RLF: variants seen among roughly 807,000 people sequenced by gnomAD.
The protein encoded by RLF is zinc finger protein Rlf.
A neutral mutation model predicts 162.9 loss-of-function variants in RLF; 7 were observed. The observed-to-expected ratio is 0.04, with a 90% CI of 0.02 to 0.08. The LOEUF is 0.08. Among genes scored for constraint, RLF ranks in the 10% least tolerant of loss-of-function variants. RLF has a pLI of 1.00. For synonymous variants in RLF, 782 were observed against 791.5 expected, an observed-to-expected ratio of 0.99 and a Z score of 0.20; for missense variants, 1,664 against 2,244.7, an observed-to-expected ratio of 0.74 and a Z score of 5.23.
chr1:40,218,093 T>C (rs1642948757), intron 5 of RLF, among the ~76,000 whole-genome samples: 1 of 152,222 alleles, frequency 6.6e-6, no homozygotes, highest in Non-Finnish European at 1.5e-5. Context: ...AGGTTTCAAG[T>C]GATTTCTTTT....
At chr1:40,177,573 G>A (rs1348852010) in intron 1 of RLF, among the ~76,000 whole-genome samples, 1 of 151,986 alleles carries the variant, frequency 6.6e-6, no homozygotes, top group Non-Finnish European at 1.5e-5. Flanking sequence ...GATTACAGGC[G>A]TGAGCCACTG....
chr1:40,240,217 A>G lies in RLF; in HGVS notation c.5515A>G (p.Asn1839Asp). Reference protein sequence around the residue: ...HSSSDSTIHENLTAIPPLIVA... With the variant: ...HSSSDSTIHEDLTAIPPLIVA... ...TTCCAGTGACTCTACAATTCATGAG[A>G]ACCTGACTGCAATCCCACCTTTAAT... Residue 1839 changes from asparagine to aspartate, a missense_variant, in exon 8 of 8, where the codon AAC (asparagine) becomes GAC (aspartate). Around this residue, in one of 15 missense-constraint regions of RLF, gnomAD observed 327 missense variants for 342.7 expected, o/e 0.95. Transcript: ENST00000372771. 1 of 1,614,182 alleles carries G rather than the reference A, an allele frequency of 6.2e-7. No homozygotes were observed. Among genetic ancestry groups the G allele is most frequent in the African/African-American group, 1.3e-5 (1 of 75,048 alleles).
At chr1:40,232,592 A>G (rs1643166142) in intron 7 of RLF, among the ~76,000 whole-genome samples, 1 of 152,172 alleles carries the variant, frequency 6.6e-6, no homozygotes. Flanking sequence ...CTGGCTGCCA[A>G]TCAGGGTCTG....
At chr1:40,206,324 A>C (rs908231092) in intron 5 of RLF, among the ~76,000 whole-genome samples, 1 of 152,190 alleles carries the variant, frequency 6.6e-6, no homozygotes, top group Non-Finnish European at 1.5e-5. Context: ...GTGTGCTTCA[A>C]GGTTACAAAG....
At chr1:40,178,820 C>A (rs1197301389) in intron 1 of RLF, among the ~76,000 whole-genome samples, 1 of 149,102 alleles carries the variant, frequency 6.7e-6, no homozygotes, top group East Asian at 2.0e-4. Context: ...CACTGGTATC[C>A]CGCCTTATCA....
intron 1 of RLF, among the ~76,000 whole-genome samples, chr1:40,180,122 A>G (rs1642386861): frequency 6.6e-6 from 1 of 152,200 alleles, no homozygotes; most frequent in South Asian, 2.1e-4. Flanking sequence ...TTGTTGGATC[A>G]TATGGTATTT....
intron 4 of RLF, among the ~76,000 whole-genome samples, chr1:40,196,496 T>C (rs1642638986): frequency 6.6e-6 from 1 of 151,576 alleles, no homozygotes; most frequent in South Asian, 2.1e-4. Context: ...AAGTTTTTGT[T>C]GTTTTTGTTT....
At chr1:40,163,946 T>C (rs1403726989) in intron 1 of RLF, among the ~76,000 whole-genome samples, 1 of 152,144 alleles carries the variant, frequency 6.6e-6, no homozygotes, top group African/African-American at 2.4e-5. Flanking sequence ...AAAGTAAAAA[T>C]TGTATGAAGA....
At chr1:40,215,713 T>A (rs897185084) in intron 5 of RLF, among the ~76,000 whole-genome samples, 2 of 151,920 alleles carry the variant, frequency 1.3e-5, no homozygotes, top group African/African-American at 4.8e-5. Context: ...TCCCAAAGTG[T>A]TGAGACTACA....
At chr1:40,205,926 A>G (rs1298605378) in intron 5 of RLF, among the ~76,000 whole-genome samples, 1 of 152,098 alleles carries the variant, frequency 6.6e-6, no homozygotes, top group African/African-American at 2.4e-5. Context: ...TTGCTGTCTG[A>G]TGAGTACATG....
At chr1:40,190,949 G>T in intron 3 of RLF, 96 bp downstream of exon 3, 1 of 643,768 alleles carries the variant, frequency 1.6e-6, no homozygotes. Flanking sequence ...ACAAAAACAA[G>T]TTTATTATAT....
chr1:40,168,299 AG>A (rs1369460505), intron 1 of RLF, among the ~76,000 whole-genome samples: 1 of 152,122 alleles, frequency 6.6e-6, no homozygotes, highest in Non-Finnish European at 1.5e-5. Context: ...CCCAGGCTGG[AG>A]TGCAATGGTA....
chr1:40,215,284 A>T (rs1570550492), intron 5 of RLF, among the ~76,000 whole-genome samples: 1 of 152,328 alleles, frequency 6.6e-6, no homozygotes, highest in East Asian at 1.9e-4. Context: ...AACCAACTGG[A>T]CTGAGCAGAC....
intron 5 of RLF, among the ~76,000 whole-genome samples, chr1:40,211,874 C>T (rs1021382908): frequency 6.6e-6 from 1 of 152,170 alleles, no homozygotes; most frequent in Non-Finnish European, 1.5e-5. Flanking sequence ...GTTATCCGCC[C>T]GCCTCGGCCT....
At chr1:40,223,061 A>C (rs1325617227) in intron 6 of RLF, among the ~76,000 whole-genome samples, 2 of 152,208 alleles carry the variant, frequency 1.3e-5, no homozygotes. Context: ...TTATTTGGGA[A>C]CCCACAAATG....
chr1:40,164,190 C>T (rs1041138214), intron 1 of RLF, among the ~76,000 whole-genome samples: 7 of 152,124 alleles, frequency 4.6e-5, no homozygotes, highest in African/African-American at 1.2e-4. Flanking sequence ...TTATGGGATG[C>T]TTAATACTAC....
Position 40,237,460 on chromosome 1 carries a change from G to A in RLF, c.2758G>A (p.Glu920Lys). ...EELIDTLDHS[E>K]TMQDVLLSNE... is the part of the protein sequence containing the mutation. ...GCTAATTGACACACTAGATCACTCT[G>A]AAACTATGCAGGATGTATTGTTATC... Residue 920 changes from glutamate (E) to lysine (K), a missense_variant, in exon 8 of 8, where the codon GAA becomes AAA. Around this residue, in one of 15 missense-constraint regions of RLF, gnomAD observed 295 missense variants for 317.4 expected, o/e 0.93. Coordinates refer to ENST00000372771, the MANE Select transcript of RLF (RefSeq NM_012421.4). This position sits in a 1 kb window ranked among gnomAD's most constrained non-coding sequence, Gnocchi z 4.4. 1 of 1,614,044 alleles carries A rather than the reference G, an allele frequency of 6.2e-7. No individual in the cohort carries two copies. The highest frequency in any genetic ancestry group is 2.2e-5 in the East Asian group (1 of 44,874).
chr1:40,225,733 G>A (rs1397340323), intron 6 of RLF, among the ~76,000 whole-genome samples: 1 of 151,428 alleles, frequency 6.6e-6, no homozygotes, highest in Non-Finnish European at 1.5e-5. Context: ...AAAATTAGCC[G>A]ACCTGGTGGC....
intron 1 of RLF, among the ~76,000 whole-genome samples, chr1:40,180,281 C>T (rs1298164266): frequency 6.6e-6 from 1 of 152,042 alleles, no homozygotes; most frequent in Non-Finnish European, 1.5e-5. Flanking sequence ...TTTTTTGAGA[C>T]AGGGTCTTGC....
Sources: gnomAD v4.1 joint callset for allele counts (sites outside exome capture counted in the v4.1 genomes callset) on GRCh38, gnomAD v4.1.1 for gene constraint, gnomAD v4.1.1 regional missense constraint, Gnocchi (gnomAD v3.1) non-coding constraint, MANE v1.5 for transcripts, NCBI Gene and HGNC (gene_info 2026-07-23, HGNC 2026-07-21) for gene names.